The following DENND2B variants were observed in gnomAD, a reference collection of about 807,000 sequenced individuals.
DENND2B encodes the protein DENN domain containing 2B.
DENND2B carries 32 observed loss-of-function variants against 116.0 expected under a neutral mutation model. That is an observed-to-expected ratio of 0.28 (90% CI 0.21 to 0.37). The LOEUF is 0.37. DENND2B is among the 10% of genes least tolerant of loss of function. The pLI is 1.00. For synonymous variants in DENND2B, 588 were observed against 583.9 expected (o/e 1.01, Z -0.10); for missense variants, 1,276 against 1,477.7 (o/e 0.86, Z 2.24).
At chr11:8,900,419 A>G (rs1392740093) in intron 1 of DENND2B, among the ~76,000 whole-genome samples, 2 of 120,116 alleles carry the variant, frequency 1.7e-5, no homozygotes, top group African/African-American at 5.9e-5. Context: ...CGACAGAGTG[A>G]GACTCCATCT....
intron 2 of DENND2B, among the ~76,000 whole-genome samples, chr11:8,731,467 C>T (rs1227803376): frequency 6.6e-6 from 1 of 152,174 alleles, no homozygotes; most frequent in African/African-American, 2.4e-5. Flanking sequence ...GAAACAGACA[C>T]CTGTTCTGTG....
chr11:8,774,329 G>C (rs1202349623), intron 1 of DENND2B: 1 of 985,272 alleles, frequency 1.0e-6, no homozygotes, highest in Non-Finnish European at 1.2e-6. Flanking sequence ...CTGCCTTATA[G>C]CAAGTTCTGA....
rs1000418090 is a variant in DENND2B at position 8,707,020 on chromosome 11, G to A, written c.2571+65C>T. The A allele has an allele frequency of 1.3e-5, 20 of 1,563,468 alleles. No individual in the cohort carries two copies. In the African/African-American group the frequency reaches 2.2e-4, roughly 17 times the overall value. On this transcript the variant is annotated intron_variant, in intron 13 of 19. Coordinates refer to ENST00000313726, the MANE Select transcript of DENND2B (RefSeq NM_213618.2). This position sits in a 1 kb window ranked among gnomAD's most constrained non-coding sequence, Gnocchi z 4.8. ...TGCAACCCCCAAAGACTACGACCTT[G>A]GCCAGCATGGTCCTCCTGCCACCCC... is the stretch of plus-strand genomic sequence containing the variant.
chr11:8,864,414 C>G (rs1376484886), intron 2 of DENND2B, among the ~76,000 whole-genome samples: 2 of 152,036 alleles, frequency 1.3e-5, no homozygotes, highest in Admixed American at 1.3e-4. Context: ...ACCACAGACA[C>G]GCACCGCCAC....
chr11:8,769,215 G>C (rs1424158233), intron 1 of DENND2B, among the ~76,000 whole-genome samples: 1 of 151,290 alleles, frequency 6.6e-6, no homozygotes, highest in Admixed American at 6.6e-5. Context: ...CCACTGCCAA[G>C]GTAACAGCAA....
chr11:8,893,399 G>A (rs573417026), intron 1 of DENND2B, among the ~76,000 whole-genome samples: 4 of 152,276 alleles, frequency 2.6e-5, no homozygotes, highest in South Asian at 4.1e-4. Context: ...TCTGGCCAGG[G>A]CAATCAGGCA....
intron 3 of DENND2B, among the ~76,000 whole-genome samples, chr11:8,853,908 G>A (rs890599388): frequency 2.6e-5 from 4 of 151,616 alleles, no homozygotes; most frequent in African/African-American, 7.3e-5. Context: ...AAGTGCAATG[G>A]CACAATCACA....
chr11:8,789,775 CAAAAAATA>C (rs1250034604), intron 1 of DENND2B, among the ~76,000 whole-genome samples: 5 of 151,392 alleles, frequency 3.3e-5, no homozygotes, highest in South Asian at 4.2e-4. Context: ...CCCATCTCTA[CAAAAAATA>C]AAAAAATAAA....
At chr11:8,718,398 G>A (rs969481821) in intron 4 of DENND2B, 30 of 1,533,130 alleles carry the variant, frequency 2.0e-5, no homozygotes, top group Admixed American at 3.9e-5. Flanking sequence ...GAACCGTAGG[G>A]AGCAGGGCTT....
At chr11:8,855,281 A>C (rs1028959618) in intron 3 of DENND2B, among the ~76,000 whole-genome samples, 3 of 151,948 alleles carry the variant, frequency 2.0e-5, no homozygotes, top group African/African-American at 7.2e-5. Flanking sequence ...CCAGATGCCA[A>C]GCAAGGAGGG....
At chr11:8,829,010 T>G (rs2062091214) in intron 4 of DENND2B, among the ~76,000 whole-genome samples, 1 of 147,506 alleles carries the variant, frequency 6.8e-6, no homozygotes, top group East Asian at 2.0e-4. Flanking sequence ...GTGTAGTATG[T>G]GTGGAGTGTG....
At chr11:8,771,693 G>A (rs1398808181) in intron 1 of DENND2B, 2 of 152,022 alleles carry the variant, frequency 1.3e-5, no homozygotes, top group African/African-American at 2.4e-5. Context: ...TGCTAATGAA[G>A]TGAGGATTTA....
At chr11:8,707,000 C>T in intron 13 of DENND2B, 85 bp downstream of exon 13, 1 of 1,518,638 alleles carries the variant, frequency 6.6e-7, no homozygotes, top group Non-Finnish European at 8.9e-7. Context: ...TGCTCTGCAA[C>T]CCCCAAAGAC....
chr11:8,872,485 TAAAAAAAAAA>T (rs398044981), upstream of DENND2B, among the ~76,000 whole-genome samples: 4 of 102,966 alleles, frequency 3.9e-5, no homozygotes, highest in African/African-American at 1.2e-4. Flanking sequence ...AGACTCCGTC[TAAAAAAAAAA>T]AAAAAAAGAA....
Position 8,839,184 on chromosome 11 carries a change from G to A in DENND2B, c.-115+126C>T, listed in dbSNP as rs1353019193. 2.0e-5 allele frequency: 3 copies of A among 152,360 alleles called. No individual in the cohort carries two copies. In the East Asian group the frequency reaches 5.8e-4, roughly 29 times the overall value. 9.4% of individuals were successfully genotyped at this position (152,360 alleles called of 1,614,324 possible). A position where few individuals can be genotyped will look rare whatever the true frequency, so the allele number is the denominator to read the frequency against. ...TGAGATGGAAGCCCTGGGAAACCAG[G>A]AGCATCATCAGTGGAATCAGAAGGA... On this transcript the variant is annotated intron_variant, in intron 4 of 6. Coordinates refer to the DENND2B transcript ENST00000524757.
intron 1 of DENND2B, among the ~76,000 whole-genome samples, chr11:8,790,903 C>T (rs1382661381): frequency 6.6e-6 from 1 of 152,212 alleles, no homozygotes; most frequent in East Asian, 1.9e-4. Context: ...CTTGGAAAAA[C>T]AACCCCAGGT....
At chr11:8,804,343 C>G (rs1355629544) in intron 1 of DENND2B, among the ~76,000 whole-genome samples, 1 of 146,894 alleles carries the variant, frequency 6.8e-6, no homozygotes, top group Non-Finnish European at 1.5e-5. Context: ...TTTGATCATT[C>G]TGCCTGATGC....
intron 1 of DENND2B, among the ~76,000 whole-genome samples, chr11:8,910,342 C>T (rs2064301732): frequency 6.6e-6 from 1 of 151,420 alleles, no homozygotes; most frequent in African/African-American, 2.4e-5. Context: ...GTAGCGACAC[C>T]CCAAAATGTA....
intron 1 of DENND2B, among the ~76,000 whole-genome samples, chr11:8,790,392 T>C (rs921471744): frequency 9.2e-5 from 14 of 152,222 alleles, no homozygotes; most frequent in African/African-American, 3.4e-4. Flanking sequence ...TATATGTCTG[T>C]GCGCTGGTCC....
Sources: allele counts gnomAD v4.1 joint callset (sites outside exome capture counted in the v4.1 genomes callset), GRCh38; gene constraint gnomAD v4.1.1; non-coding constraint Gnocchi (gnomAD v3.1); transcripts MANE v1.5; gene names NCBI Gene and HGNC (gene_info 2026-07-23, HGNC 2026-07-21).